HS6ST3: variants seen among roughly 807,000 people sequenced by gnomAD.
HS6ST3 encodes heparan-sulfate 6-O-sulfotransferase 3.
In HS6ST3, 12 loss-of-function variants were observed where a neutral mutation model predicts 36.7. The observed-to-expected ratio is 0.33, with a 90% CI of 0.21 to 0.53. The LOEUF (loss-of-function observed/expected upper bound fraction) is 0.53. Ranked by LOEUF, HS6ST3 falls within the 20% of genes least tolerant of loss-of-function variation. The pLI, the probability that HS6ST3 is intolerant of heterozygous loss-of-function variation, is 0.95. For missense variants in HS6ST3, 584 were observed against 640.9 expected, an observed-to-expected ratio of 0.91 and a Z score of 0.96; for synonymous variants, 240 against 257.5, an observed-to-expected ratio of 0.93 and a Z score of 0.65.
intron 1 of HS6ST3, among the ~76,000 whole-genome samples, chr13:96,692,500 A>G (rs1874993711): frequency 6.6e-6 from 1 of 152,174 alleles, no homozygotes; most frequent in Admixed American, 6.5e-5. Flanking sequence ...CCAACTGTAT[A>G]TTCAAGGACA....
At chr13:96,547,950 ATTC>A (rs1385590457) in intron 1 of HS6ST3, among the ~76,000 whole-genome samples, 15 of 152,134 alleles carry the variant, frequency 9.9e-5, no homozygotes, top group Non-Finnish European at 4.4e-5. Context: ...AGTCATAACA[ATTC>A]TTCTTCACTG....
At chr13:96,104,843 G>A (rs944021697) in intron 1 of HS6ST3, among the ~76,000 whole-genome samples, 1 of 152,068 alleles carries the variant, frequency 6.6e-6, no homozygotes, top group Non-Finnish European at 1.5e-5. Flanking sequence ...CCGGTGTGGT[G>A]TGGCCTGCTT....
intron 1 of HS6ST3, among the ~76,000 whole-genome samples, chr13:96,258,574 C>T (rs191158097): frequency 1.2e-4 from 18 of 152,216 alleles, no homozygotes; most frequent in Admixed American, 1.0e-3. Context: ...AAAGATTAAA[C>T]AAGATCATGT....
intron 1 of HS6ST3, among the ~76,000 whole-genome samples, chr13:96,127,520 T>A (rs977026268): frequency 3.3e-5 from 5 of 152,216 alleles, no homozygotes; most frequent in African/African-American, 1.2e-4. Context: ...CTGTGCCACC[T>A]GGTTCCTAAC....
At chr13:96,797,582 G>A (rs1191938056) in intron 1 of HS6ST3, among the ~76,000 whole-genome samples, 1 of 152,072 alleles carries the variant, frequency 6.6e-6, no homozygotes, top group African/African-American at 2.4e-5. Context: ...GTAGCACATT[G>A]ACTGGAAATC....
chr13:96,635,289 TG>T (rs1443118983), intron 1 of HS6ST3, among the ~76,000 whole-genome samples: 1 of 151,770 alleles, frequency 6.6e-6, no homozygotes, highest in Non-Finnish European at 1.5e-5. Context: ...CTTATTTGCC[TG>T]GACACTGCCT....
intron 1 of HS6ST3, among the ~76,000 whole-genome samples, chr13:96,105,268 A>G (rs932646080): frequency 3.3e-5 from 5 of 152,002 alleles, no homozygotes; most frequent in African/African-American, 1.2e-4. Context: ...GTGGAAAGAC[A>G]TGGAAGTAGG....
At chr13:96,432,018 G>A (rs1276450354) in intron 1 of HS6ST3, among the ~76,000 whole-genome samples, 2 of 152,064 alleles carry the variant, frequency 1.3e-5, no homozygotes, top group Non-Finnish European at 2.9e-5. Context: ...CTGCTTTTAC[G>A]ATTTCAGGTT....
At chr13:96,179,605 T>C (rs571747870) in intron 1 of HS6ST3, among the ~76,000 whole-genome samples, 3 of 152,194 alleles carry the variant, frequency 2.0e-5, no homozygotes, top group Non-Finnish European at 4.4e-5. Flanking sequence ...CGGCCTCTTC[T>C]TCTCCTTTTG....
intron 1 of HS6ST3, among the ~76,000 whole-genome samples, chr13:96,391,393 A>C (rs1442533461): frequency 6.6e-6 from 1 of 152,162 alleles, no homozygotes; most frequent in East Asian, 1.9e-4. Context: ...GTACTCATGC[A>C]CTTTCATAGT....
intron 1 of HS6ST3, among the ~76,000 whole-genome samples, chr13:96,303,059 A>G (rs2054891730): frequency 6.6e-6 from 1 of 152,212 alleles, no homozygotes. Context: ...AAGTTCTAAA[A>G]TATTTACTTT....
chr13:96,470,236 A>T (rs2055834094), intron 1 of HS6ST3, among the ~76,000 whole-genome samples: 1 of 152,182 alleles, frequency 6.6e-6, no homozygotes, highest in South Asian at 2.1e-4. Flanking sequence ...CAAAAGGATC[A>T]TGTTGGTGAG....
intron 1 of HS6ST3, among the ~76,000 whole-genome samples, chr13:96,823,278 C>T (rs768018383): frequency 6.6e-6 from 1 of 152,166 alleles, no homozygotes; most frequent in African/African-American, 2.4e-5. Context: ...ATTCTCTGCA[C>T]AGATATTCAT....
chr13:96,170,378 A>G (rs2054181942), intron 1 of HS6ST3, among the ~76,000 whole-genome samples: 1 of 152,226 alleles, frequency 6.6e-6, no homozygotes, highest in South Asian at 2.1e-4. Context: ...GCTGCCGCCA[A>G]TGGAAGAGAA....
intron 1 of HS6ST3, among the ~76,000 whole-genome samples, chr13:96,673,468 T>C (rs2056688921): frequency 6.6e-6 from 1 of 152,188 alleles, no homozygotes; most frequent in Admixed American, 6.5e-5. Flanking sequence ...AAGTGTTTAG[T>C]CTTCATCAAT....
intron 1 of HS6ST3, among the ~76,000 whole-genome samples, chr13:96,755,450 C>T (rs748185902): frequency 2.0e-5 from 3 of 151,990 alleles, no homozygotes; most frequent in African/African-American, 4.8e-5. Context: ...CTGCAACCTC[C>T]GCTTTCTGTG....
In HS6ST3 at chr13:96,623,807, C is replaced by T. The variant is rs1223397534; in HGVS notation, c.708-208683C>T. Among the ~76,000 whole-genome samples the T allele has an allele frequency of 3.9e-5, 6 of 152,098 alleles. No homozygotes were observed. The East Asian group carries it at 1.2e-3, about 29-fold the overall frequency. ...CCAAATGGAAAGTGGAACACTGATG[C>T]CAAGAAAGCAGGGCTAATGTAGCCA... On this transcript the variant is annotated intron_variant, in intron 1 of 1. Coordinates refer to ENST00000376705, the MANE Select transcript of HS6ST3 (RefSeq NM_153456.4).
At chr13:96,184,302 T>A (rs887276262) in intron 1 of HS6ST3, among the ~76,000 whole-genome samples, 2 of 152,148 alleles carry the variant, frequency 1.3e-5, no homozygotes, top group Non-Finnish European at 2.9e-5. Context: ...AAAATTTTTT[T>A]AAGTCTTCTT....
intron 1 of HS6ST3, among the ~76,000 whole-genome samples, chr13:96,429,411 C>G (rs912344532): frequency 6.6e-6 from 1 of 152,142 alleles, no homozygotes. Flanking sequence ...ACTTAGCCCT[C>G]GTGAAAACAC....
Sources: allele counts gnomAD v4.1 joint callset (sites outside exome capture counted in the v4.1 genomes callset), GRCh38; gene constraint gnomAD v4.1.1; transcripts MANE v1.5; gene names NCBI Gene and HGNC (gene_info 2026-07-23, HGNC 2026-07-21).